The following TNRC6C variants were observed in gnomAD, a reference collection of about 807,000 sequenced individuals.
TNRC6C encodes the protein trinucleotide repeat-containing gene 6C protein.
A neutral mutation model predicts 153.7 loss-of-function variants in TNRC6C; 20 were observed. The ratio of observed to expected loss-of-function variants is 0.13; its 90% CI spans 0.09 to 0.19. TNRC6C has a LOEUF of 0.19. TNRC6C is among the 10% of genes least tolerant of loss of function. The probability of loss-of-function intolerance (pLI) is 1.00; values close to 1 mark genes in which losing one functional copy is unlikely to be tolerated. For synonymous variants in TNRC6C, 811 were observed against 841.4 expected (o/e 0.96, Z 0.63); for missense variants, 1,987 against 2,172.0 (o/e 0.91, Z 1.69).
chr17:78,004,107 C>CT, upstream of TNRC6C: 1 of 1,230,186 alleles, frequency 8.1e-7, no homozygotes. Context: ...GCAGCTAGTG[C>CT]TTTTTCATTG....
Position 78,049,500 on chromosome 17 carries a change from C to T in TNRC6C, c.438C>T (p.Gly146=), listed in dbSNP as rs961982464. 6.2e-7 allele frequency: 1 copy of T among 1,614,030 alleles called. No individual in the cohort carries two copies. Among genetic ancestry groups the T allele is most frequent in the Non-Finnish European group, 8.5e-7 (1 of 1,179,892 alleles). The change falls in exon 3 of 20, where the codon GGC becomes GGT. Residue 146 remains glycine (G), a synonymous_variant. Transcript: ENST00000301624. This position sits in a 1 kb window ranked among gnomAD's most constrained non-coding sequence, Gnocchi z 4.1. ...GCAACCAGAACGGGAACCCAACAGG[C>T]ACTTTAGGTGCTTGGGGAAACTTGC... is the stretch of plus-strand genomic sequence containing the variant.
At chr17:77,976,976 A>G (rs1259595701) in intron 1 of TNRC6C, among the ~76,000 whole-genome samples, 1 of 145,292 alleles carries the variant, frequency 6.9e-6, no homozygotes, top group African/African-American at 2.6e-5. Flanking sequence ...TTTCCCCTTC[A>G]TTTTACAGGT....
Position 78,104,764 on chromosome 17 carries a change from C to G in TNRC6C, c.4992C>G (p.Ala1664=), listed in dbSNP as rs536050736. 6.7e-7 allele frequency: 1 copy of G among 1,485,254 alleles called. No individual in the cohort carries two copies. The highest frequency in any genetic ancestry group is 1.4e-5 in the African/African-American group (1 of 70,614). The allele number at this position is 1,485,254 out of a possible 1,614,324, so 92.0% of individuals were successfully genotyped here. The stretch of plus-strand genomic sequence containing the variant: ...GCAGCCTGTGGGGCCCGCCCAGCGC[C>G]GACGACAGCAGGGTGATAGGCAGCC... Residue 1664 remains alanine, a synonymous_variant, in exon 20 of 20, where the codon GCC becomes GCG. Coordinates refer to ENST00000301624, the Ensembl canonical transcript of TNRC6C. The surrounding 1 kb of genome is among the most constrained non-coding windows in gnomAD (Gnocchi z 6.2).
At chr17:78,012,306 C>T (rs948610388) in intron 1 of TNRC6C, among the ~76,000 whole-genome samples, 3 of 152,084 alleles carry the variant, frequency 2.0e-5, no homozygotes, top group Admixed American at 6.5e-5. Flanking sequence ...TCCCTGTTCT[C>T]AAAGAAGGAA....
chr17:77,960,025 A>G (rs948668521), intron 1 of TNRC6C, among the ~76,000 whole-genome samples: 1 of 152,182 alleles, frequency 6.6e-6, no homozygotes, highest in Non-Finnish European at 1.5e-5. Flanking sequence ...GGATCTTAGC[A>G]AAAATGAAGG....
At chr17:78,006,909 A>C (rs1051846469) in intron 1 of TNRC6C, among the ~76,000 whole-genome samples, 5 of 150,250 alleles carry the variant, frequency 3.3e-5, no homozygotes, top group Admixed American at 3.3e-4. Context: ...GCTCACTGCA[A>C]CCTCCACCCC....
chr17:78,100,157 C>T (rs1388512770), intron 17 of TNRC6C, among the ~76,000 whole-genome samples: 1 of 152,214 alleles, frequency 6.6e-6, no homozygotes, highest in Non-Finnish European at 1.5e-5. Flanking sequence ...TTTCCAGGCA[C>T]ACGGTGCAAG....
chr17:77,978,409 G>C (rs2071031833), intron 1 of TNRC6C, among the ~76,000 whole-genome samples: 2 of 152,068 alleles, frequency 1.3e-5, no homozygotes, highest in Non-Finnish European at 2.9e-5. Flanking sequence ...TCTGCTTCTG[G>C]CTAAGACAGA....
At chr17:77,999,731 G>C (rs1409772792), upstream of TNRC6C, among the ~76,000 whole-genome samples, 1 of 152,212 alleles carries the variant, frequency 6.6e-6, no homozygotes, top group Non-Finnish European at 1.5e-5. Flanking sequence ...TTTTCATCTG[G>C]AGGCTCTGCT....
chr17:78,082,265 G>C (rs4567792), intron 10 of TNRC6C, among the ~76,000 whole-genome samples: 12,304 of 151,362 alleles, frequency 0.081, 573 homozygotes, highest in East Asian at 0.18. Context: ...GTTTAGTGAG[G>C]GCAGGGGTAG....
rs927681119 is a variant in TNRC6C, at chr17:78,049,588, C to A, written c.526C>A (p.Pro176Thr). The change falls in exon 3 of 20, where the codon CCT becomes ACT. Residue 176 changes from proline (P) to threonine (T), a missense_variant. This residue lies in a region of TNRC6C where 1,052 missense variants were observed against 1,017.0 expected (regional missense o/e 1.03). Transcript: ENST00000301624. The surrounding 1 kb of genome is among the most constrained non-coding windows in gnomAD (Gnocchi z 4.1). ...TCAGAATGTGTCTTTCAGCGCACAA[C>A]CTCAGAACCTTAACACTGATGGACC... The A allele has an allele frequency of 3.7e-6, 6 of 1,613,996 alleles. No individual in the cohort carries two copies. Among genetic ancestry groups the A allele is most frequent in the South Asian group, 1.1e-5 (1 of 91,082 alleles).
At position 78,073,103 on chromosome 17, in the gene TNRC6C, T is replaced by C. The variant is rs772473199; in HGVS notation, c.2917+9T>C. Reference sequence around the variant, plus strand: ...TCTTGATCAGGCCATGAGTAAGTCATACAACATCCTTTTTAAAAAGGTACC... The same window carrying C: ...TCTTGATCAGGCCATGAGTAAGTCACACAACATCCTTTTTAAAAAGGTACC... On this transcript the variant is annotated intron_variant, in intron 7 of 19. Coordinates refer to ENST00000301624, the Ensembl canonical transcript of TNRC6C. 3.9e-6 allele frequency: 6 copies of C among 1,550,960 alleles called. No individual in the cohort carries two copies. The East Asian group carries it at 1.2e-4, about 31-fold the overall frequency.
At chr17:77,967,611 G>A (rs899183019) in intron 1 of TNRC6C, among the ~76,000 whole-genome samples, 2 of 152,178 alleles carry the variant, frequency 1.3e-5, no homozygotes, top group South Asian at 2.1e-4. Flanking sequence ...GGAGTGGCTA[G>A]TTCCTTTTCC....
chr17:77,979,397 T>G (rs2071043182), intron 1 of TNRC6C, among the ~76,000 whole-genome samples: 1 of 152,244 alleles, frequency 6.6e-6, no homozygotes, highest in South Asian at 2.1e-4. Context: ...ATGCATCAAT[T>G]AAAAATTAAA....
intron 15 of TNRC6C, 150 bp from the exon 18 acceptor site, chr17:78,093,470 G>A: frequency 2.1e-6 from 2 of 957,340 alleles, no homozygotes; most frequent in East Asian, 2.6e-5. Flanking sequence ...AGGATTGATT[G>A]CTTTAATGAA....
At chr17:78,062,105 G>A (rs1296551079) in intron 3 of TNRC6C, among the ~76,000 whole-genome samples, 2 of 152,010 alleles carry the variant, frequency 1.3e-5, no homozygotes, top group African/African-American at 2.4e-5. Context: ...CTATGTTAAC[G>A]TCTCTGATTT....
chr17:77,988,925 C>T (rs143304481), intron 1 of TNRC6C, among the ~76,000 whole-genome samples: 17 of 152,256 alleles, frequency 1.1e-4, no homozygotes, highest in African/African-American at 3.6e-4. Context: ...GTAAGCTCCA[C>T]GAAAGCAGGG....
At chr17:77,996,518 G>A (rs935414024) in intron 1 of TNRC6C, among the ~76,000 whole-genome samples, 4 of 152,168 alleles carry the variant, frequency 2.6e-5, no homozygotes, top group African/African-American at 7.2e-5. Flanking sequence ...TCCAAGATAT[G>A]TCTTGATTGG....
At chr17:77,985,694 A>T (rs930164875) in intron 1 of TNRC6C, among the ~76,000 whole-genome samples, 46 of 152,194 alleles carry the variant, frequency 3.0e-4, no homozygotes, top group African/African-American at 1.1e-3. Flanking sequence ...CCAAATTTAA[A>T]GGGTTAATCG....
Sources: gnomAD v4.1 joint callset for allele counts (sites outside exome capture counted in the v4.1 genomes callset) on GRCh38, gnomAD v4.1.1 for gene constraint, gnomAD v4.1.1 regional missense constraint, Gnocchi (gnomAD v3.1) non-coding constraint, MANE v1.5 for transcripts, NCBI Gene and HGNC (gene_info 2026-07-23, HGNC 2026-07-21) for gene names.